CACNA2D3: variants seen among roughly 807,000 people sequenced by gnomAD.
CACNA2D3 encodes calcium voltage-gated channel auxiliary subunit alpha2delta 3, also known as voltage-dependent calcium channel subunit alpha-2/delta-3.
Under a neutral mutation model 160.6 loss-of-function variants are expected in CACNA2D3, and 60 were observed. The observed-to-expected ratio is 0.37, with a 90% CI of 0.30 to 0.46. The LOEUF (loss-of-function observed/expected upper bound fraction) is 0.46. CACNA2D3 is among the 20% of genes least tolerant of loss of function. The probability of loss-of-function intolerance (pLI) is 1.00; values close to 1 mark genes in which losing one functional copy is unlikely to be tolerated. For synonymous variants in CACNA2D3, 558 were observed against 492.9 expected (o/e 1.13, Z -1.75); for missense variants, 1,205 against 1,365.0 (o/e 0.88, Z 1.85).
intron 18 of CACNA2D3, 73 bp from the exon 19 acceptor site, chr3:54,878,945 C>G (rs1204753738): frequency 2.2e-6 from 2 of 915,432 alleles, no homozygotes; most frequent in African/African-American, 1.7e-5. Context: ...CCACTGCACG[C>G]TGAGGATGCA....
chr3:54,580,530 A>T (rs1702657620), intron 8 of CACNA2D3, among the ~76,000 whole-genome samples: 1 of 152,040 alleles, frequency 6.6e-6, no homozygotes, highest in African/African-American at 2.4e-5. Flanking sequence ...TCTGGGAGAG[A>T]TGGTTCTGTT....
chr3:54,928,744 G>A (rs1701101818), intron 27 of CACNA2D3, among the ~76,000 whole-genome samples: 1 of 151,808 alleles, frequency 6.6e-6, no homozygotes, highest in South Asian at 2.1e-4. Context: ...TGACCTTTTG[G>A]TTAGTGTGAC....
intron 35 of CACNA2D3, among the ~76,000 whole-genome samples, chr3:55,068,123 G>A (rs1215628109): frequency 6.6e-6 from 1 of 152,208 alleles, no homozygotes; most frequent in Admixed American, 6.5e-5. Context: ...CTGGAACAGG[G>A]CCTAAGCAGG....
chr3:54,318,941 C>A (rs1703928569), intron 2 of CACNA2D3, among the ~76,000 whole-genome samples: 1 of 152,058 alleles, frequency 6.6e-6, no homozygotes, highest in Non-Finnish European at 1.5e-5. Flanking sequence ...CTTGCTGCTC[C>A]TAGAACACAT....
chr3:54,471,625 A>G (rs1700732931), intron 4 of CACNA2D3, among the ~76,000 whole-genome samples: 2 of 152,222 alleles, frequency 1.3e-5, no homozygotes, highest in African/African-American at 4.8e-5. Context: ...TGTTTTTTTA[A>G]AAGATTAACA....
chr3:54,363,339 G>T (rs190146141), intron 3 of CACNA2D3, among the ~76,000 whole-genome samples: 6 of 152,154 alleles, frequency 3.9e-5, no homozygotes, highest in African/African-American at 1.4e-4. Flanking sequence ...CAGTTATAGT[G>T]CAAGGTGTCC....
chr3:54,804,217 A>G (rs905358294), intron 13 of CACNA2D3, among the ~76,000 whole-genome samples: 53 of 152,138 alleles, frequency 3.5e-4, no homozygotes, highest in African/African-American at 1.2e-3. Context: ...ATTAACTTTA[A>G]ATGTAAATGG....
At chr3:54,148,457 G>A (rs996552784) in intron 2 of CACNA2D3, among the ~76,000 whole-genome samples, 1 of 152,222 alleles carries the variant, frequency 6.6e-6, no homozygotes, top group Admixed American at 6.5e-5. Context: ...AGTGAAGAAC[G>A]TGTTCCCCAC....
chr3:54,862,564 C>G (rs185738669), intron 17 of CACNA2D3, among the ~76,000 whole-genome samples: 45 of 152,230 alleles, frequency 3.0e-4, no homozygotes, highest in Middle Eastern at 3.4e-3. Context: ...AAATTCATTG[C>G]CAGCTTCCTG....
rs527378247 is a variant in CACNA2D3, at chr3:54,920,832, A to G, written c.2449+20964A>G. ...CCACCTTGACTAGGGTGGTTTACCC[A>G]ATCACCCCAGACTTAAGAACTGTGT... On this transcript the variant is annotated intron_variant, in intron 27 of 37. Coordinates refer to ENST00000474759, the MANE Select transcript of CACNA2D3 (RefSeq NM_018398.3). Among the ~76,000 whole-genome samples the G allele has an allele frequency of 1.2e-4, 19 of 152,288 alleles. 1 individual carries two copies. The South Asian group carries it at 3.9e-3, about 32-fold the overall frequency.
At chr3:54,427,088 G>A (rs1699921467) in intron 4 of CACNA2D3, among the ~76,000 whole-genome samples, 1 of 151,184 alleles carries the variant, frequency 6.6e-6, no homozygotes, top group Non-Finnish European at 1.5e-5. Flanking sequence ...CTGTGTTTTG[G>A]ACTGCATTAC....
intron 2 of CACNA2D3, among the ~76,000 whole-genome samples, chr3:54,191,125 T>C (rs1700973106): frequency 1.3e-5 from 2 of 151,934 alleles, no homozygotes; most frequent in South Asian, 4.2e-4. Flanking sequence ...CAAAGAAAGT[T>C]TTGAAGAACT....
intron 17 of CACNA2D3, among the ~76,000 whole-genome samples, chr3:54,847,638 A>T (rs556830354): frequency 6.6e-6 from 1 of 152,344 alleles, no homozygotes; most frequent in East Asian, 1.9e-4. Context: ...GATGGGCCTT[A>T]TGGTAATATT....
chr3:54,999,599 T>G (rs2107130073), intron 31 of CACNA2D3, among the ~76,000 whole-genome samples: 1 of 152,318 alleles, frequency 6.6e-6, no homozygotes, highest in Non-Finnish European at 1.5e-5. Context: ...TTTAGGCCAG[T>G]TGTTTAGCCA....
chr3:54,597,202 C>T (rs2106766146), intron 9 of CACNA2D3, among the ~76,000 whole-genome samples: 1 of 152,294 alleles, frequency 6.6e-6, no homozygotes, highest in African/African-American at 2.4e-5. Flanking sequence ...GGAGGCCTTG[C>T]TGCCTCTCTG....
intron 2 of CACNA2D3, among the ~76,000 whole-genome samples, chr3:54,221,720 A>G (rs921145270): frequency 2.6e-5 from 4 of 152,228 alleles, no homozygotes; most frequent in African/African-American, 9.7e-5. Flanking sequence ...CTTGTCCCAT[A>G]TACTTTTAAG....
chr3:54,843,681 G>A (rs1698870266), intron 16 of CACNA2D3, among the ~76,000 whole-genome samples: 1 of 152,222 alleles, frequency 6.6e-6, no homozygotes, highest in Non-Finnish European at 1.5e-5. Flanking sequence ...GGATGGTTTT[G>A]TTGGGGTCAA....
chr3:54,539,966 G>T (rs1023324663), intron 5 of CACNA2D3, among the ~76,000 whole-genome samples: 1 of 152,170 alleles, frequency 6.6e-6, no homozygotes, highest in South Asian at 2.1e-4. Context: ...AAATAGGTGA[G>T]CCTGGAAAGT....
At chr3:54,362,047 CT>C (rs1156810430) in intron 3 of CACNA2D3, among the ~76,000 whole-genome samples, 2 of 152,180 alleles carry the variant, frequency 1.3e-5, no homozygotes, top group Middle Eastern at 3.2e-3. Context: ...GATTTCTCAT[CT>C]TTTCAACAAC....
Sources: gnomAD v4.1 joint callset for allele counts (sites outside exome capture counted in the v4.1 genomes callset) on GRCh38, gnomAD v4.1.1 for gene constraint, MANE v1.5 for transcripts, NCBI Gene and HGNC (gene_info 2026-07-23, HGNC 2026-07-21) for gene names.